Variants in AGMO observed in about 807,000 individuals in gnomAD.
AGMO encodes alkylglycerol monooxygenase.
A neutral mutation model predicts 60.2 loss-of-function variants in AGMO; 75 were observed. The observed-to-expected ratio is 1.25, with a 90% CI of 1.03 to 1.51. The LOEUF (loss-of-function observed/expected upper bound fraction) is 1.51, where lower values mean the gene tolerates loss of function less well. AGMO is among the 40% of genes most tolerant of loss of function. The probability of loss-of-function intolerance (pLI) is 0.00; values close to 1 mark genes in which losing one functional copy is unlikely to be tolerated. For synonymous variants in AGMO, 261 were observed against 177.1 expected (o/e 1.47, Z -3.76); for missense variants, 763 against 525.5 (o/e 1.45, Z -4.42).
At chr7:15,408,097 A>C (rs1784752529) in intron 5 of AGMO, among the ~76,000 whole-genome samples, 1 of 151,876 alleles carries the variant, frequency 6.6e-6, no homozygotes, top group Non-Finnish European at 1.5e-5. Flanking sequence ...AAAGGTTATC[A>C]CAGAGAGAAC....
rs559740174 is a variant in AGMO, at chr7:15,200,359, A to C, written c.*926T>G. 1.3e-5 allele frequency: 2 copies of C among 152,330 alleles called. No homozygotes were observed. Among genetic ancestry groups the C allele is most frequent in the South Asian group, 4.1e-4 (2 of 4,828 alleles). The allele number at this position is 152,330 out of a possible 1,614,324, so 9.4% of individuals were successfully genotyped here. A position where few individuals can be genotyped will look rare whatever the true frequency, so the allele number is the denominator to read the frequency against. On this transcript the variant is annotated 3_prime_UTR_variant, in exon 13 of 13. Transcript: ENST00000342526. ...TTTAGAGAATTAACATTGTTCTGAT[A>C]ACTTTAAATAATGCAGAATTGCTGC...
intron 12 of AGMO, among the ~76,000 whole-genome samples, chr7:15,212,336 T>G (rs1307716076): frequency 4.6e-5 from 7 of 151,314 alleles, no homozygotes; most frequent in Non-Finnish European, 7.4e-5. Flanking sequence ...TAAAAAGAAT[T>G]ACATCGAATC....
At chr7:15,457,291 G>C (rs1782022815) in intron 3 of AGMO, among the ~76,000 whole-genome samples, 1 of 152,038 alleles carries the variant, frequency 6.6e-6, no homozygotes, top group African/African-American at 2.4e-5. Context: ...TCCCTTTTTA[G>C]AAATACATGA....
At chr7:15,205,580 G>C (rs537286875) in intron 12 of AGMO, among the ~76,000 whole-genome samples, 1 of 152,076 alleles carries the variant, frequency 6.6e-6, no homozygotes, top group East Asian at 1.9e-4. Flanking sequence ...AAGTCATTTT[G>C]CTGAATGATA....
chr7:15,351,341 G>C (rs1037293474), intron 12 of AGMO, among the ~76,000 whole-genome samples: 1 of 152,042 alleles, frequency 6.6e-6, no homozygotes, highest in African/African-American at 2.4e-5. Context: ...ACTTGAAAGA[G>C]ATATAACATA....
At chr7:15,383,792 G>C (rs1436970664) in intron 10 of AGMO, among the ~76,000 whole-genome samples, 6 of 151,700 alleles carry the variant, frequency 4.0e-5, no homozygotes, top group African/African-American at 1.5e-4. Context: ...ATTCATTTAG[G>C]TTTTTTTCCC....
intron 12 of AGMO, among the ~76,000 whole-genome samples, chr7:15,240,375 A>C (rs1332467780): frequency 6.6e-6 from 1 of 152,166 alleles, no homozygotes; most frequent in East Asian, 1.9e-4. Context: ...GCTAATTCTT[A>C]GTGACCAGCC....
chr7:15,492,899 T>A (rs925780302), intron 3 of AGMO, among the ~76,000 whole-genome samples: 3 of 152,166 alleles, frequency 2.0e-5, no homozygotes, highest in Non-Finnish European at 4.4e-5. Flanking sequence ...TTCTCCTACA[T>A]CTTCAAGGAA....
chr7:15,394,696 T>G (rs570824978), intron 5 of AGMO, among the ~76,000 whole-genome samples: 1 of 152,158 alleles, frequency 6.6e-6, no homozygotes, highest in Non-Finnish European at 1.5e-5. Context: ...AACTGTGTTA[T>G]GTTTCCCGGA....
At chr7:15,544,980 C>T (rs1784737660) in intron 2 of AGMO, 57 bp from the exon 3 acceptor site, 5 of 1,238,366 alleles carry the variant, frequency 4.0e-6, no homozygotes, top group Non-Finnish European at 5.4e-6. Context: ...AAAAATTACG[C>T]TAAAATGTTT....
the AGMO span, among the ~76,000 whole-genome samples, chr7:15,184,552 A>T: frequency 9.9e-6 from 1 of 101,326 alleles, no homozygotes; most frequent in East Asian, 3.2e-4. Flanking sequence ...AAAAGGAAGG[A>T]AGGAAAAGGA....
At chr7:15,169,374 G>T in the AGMO span, among the ~76,000 whole-genome samples, 2 of 152,058 alleles carry the variant, frequency 1.3e-5, no homozygotes, top group Non-Finnish European at 2.9e-5. Flanking sequence ...TTCTCAATTC[G>T]ACTGAATTAA....
At chr7:15,417,787 A>G (rs1780815803) in intron 5 of AGMO, among the ~76,000 whole-genome samples, 1 of 152,190 alleles carries the variant, frequency 6.6e-6, no homozygotes, top group African/African-American at 2.4e-5. Context: ...TGTGATTTGT[A>G]GTGTTGTTTA....
chr7:15,218,172 A>G (rs1398355019), intron 12 of AGMO, among the ~76,000 whole-genome samples: 1 of 152,166 alleles, frequency 6.6e-6, no homozygotes, highest in Non-Finnish European at 1.5e-5. Flanking sequence ...AGAAATTTCA[A>G]GAACAAATTT....
chr7:15,510,129 T>G (rs1187109421), intron 3 of AGMO, among the ~76,000 whole-genome samples: 1 of 152,224 alleles, frequency 6.6e-6, no homozygotes, highest in East Asian at 1.9e-4. Flanking sequence ...AATTGCAGCA[T>G]TATGTCAAAG....
intron 3 of AGMO, among the ~76,000 whole-genome samples, chr7:15,519,524 T>A (rs1308887804): frequency 6.6e-6 from 1 of 152,150 alleles, no homozygotes; most frequent in African/African-American, 2.4e-5. Flanking sequence ...AAGAAAAGAA[T>A]TTTCAACCAG....
intron 3 of AGMO, among the ~76,000 whole-genome samples, chr7:15,517,751 C>A (rs1783860125): frequency 6.6e-6 from 1 of 152,064 alleles, no homozygotes; most frequent in South Asian, 2.1e-4. Context: ...TTTGGTCAGA[C>A]ACCGAGCTAG....
chr7:15,161,404 ATC>A, the AGMO span, among the ~76,000 whole-genome samples: 12 of 150,398 alleles, frequency 8.0e-5, no homozygotes, highest in Admixed American at 2.7e-4. Flanking sequence ...AAATCTCTCT[ATC>A]TCTCTCTCTC....
chr7:15,136,122 T>G, the AGMO span, among the ~76,000 whole-genome samples: 1 of 152,024 alleles, frequency 6.6e-6, no homozygotes, highest in East Asian at 1.9e-4. Context: ...GCCTCCCTAG[T>G]AGCTGGGATT....
Sources: allele counts gnomAD v4.1 joint callset (sites outside exome capture counted in the v4.1 genomes callset), GRCh38; gene constraint gnomAD v4.1.1; transcripts MANE v1.5; gene names NCBI Gene and HGNC (gene_info 2026-07-23, HGNC 2026-07-21).